Variants in CCDC148 observed in about 807,000 individuals in gnomAD.
CCDC148 encodes coiled-coil domain containing 148, also known as coiled-coil domain-containing protein 148.
Under a neutral mutation model 85.7 loss-of-function variants are expected in CCDC148, and 89 were observed. The ratio of observed to expected loss-of-function variants is 1.04; its 90% CI spans 0.87 to 1.24. The LOEUF (loss-of-function observed/expected upper bound fraction) is 1.24. CCDC148 is among the 50% of genes most tolerant of loss of function. The probability of loss-of-function intolerance (pLI) is 0.00; values close to 1 mark genes in which losing one functional copy is unlikely to be tolerated. For synonymous variants in CCDC148, 230 were observed against 213.9 expected (o/e 1.08, Z -0.66); for missense variants, 692 against 671.7 (o/e 1.03, Z -0.33).
intron 9 of CCDC148, among the ~76,000 whole-genome samples, chr2:158,285,522 A>G (rs1448355052): frequency 1.3e-5 from 2 of 151,300 alleles, no homozygotes; most frequent in African/African-American, 2.4e-5. Flanking sequence ...AACTAAAACT[A>G]TAAGGTAACT....
intron 11 of CCDC148, among the ~76,000 whole-genome samples, chr2:158,189,065 T>C (rs1161750505): frequency 2.0e-5 from 3 of 151,742 alleles, no homozygotes; most frequent in African/African-American, 7.3e-5. Flanking sequence ...TCAGAATGGC[T>C]ATAATTAAAA....
At chr2:158,450,166 A>G (rs1688347711) in intron 1 of CCDC148, among the ~76,000 whole-genome samples, 1 of 152,142 alleles carries the variant, frequency 6.6e-6, no homozygotes, top group Admixed American at 6.5e-5. Flanking sequence ...CGGCTGAAGG[A>G]TAGAGTGGGG....
At chr2:158,226,720 A>G (rs959173617) in intron 10 of CCDC148, among the ~76,000 whole-genome samples, 2 of 152,172 alleles carry the variant, frequency 1.3e-5, no homozygotes, top group South Asian at 2.1e-4. Flanking sequence ...GATTATCTCA[A>G]TAGATGCAGA....
chr2:158,441,764 A>G (rs1687942236), intron 1 of CCDC148, among the ~76,000 whole-genome samples: 1 of 152,128 alleles, frequency 6.6e-6, no homozygotes, highest in South Asian at 2.1e-4. Flanking sequence ...AGAAGAGAGG[A>G]AAAGTGAAAT....
At chr2:158,417,591 C>G (rs1054050595) in intron 1 of CCDC148, among the ~76,000 whole-genome samples, 1 of 152,190 alleles carries the variant, frequency 6.6e-6, no homozygotes, top group Non-Finnish European at 1.5e-5. Context: ...GGCCTCCAAC[C>G]AAATCCTCCT....
chr2:158,399,813 T>C (rs1438888062), intron 1 of CCDC148, among the ~76,000 whole-genome samples: 1 of 152,096 alleles, frequency 6.6e-6, no homozygotes, highest in Non-Finnish European at 1.5e-5. Flanking sequence ...GGTATTCGAT[T>C]AGGAAAAGAG....
intron 10 of CCDC148, among the ~76,000 whole-genome samples, chr2:158,226,443 T>C (rs1687530872): frequency 6.6e-6 from 1 of 152,222 alleles, no homozygotes; most frequent in South Asian, 2.1e-4. Flanking sequence ...GAATCCTCCC[T>C]AACTCATTTT....
chr2:158,428,758 C>T (rs1574804549), intron 1 of CCDC148, among the ~76,000 whole-genome samples: 2 of 151,960 alleles, frequency 1.3e-5, no homozygotes, highest in South Asian at 2.1e-4. Context: ...ACTAGAAATA[C>T]CATTTGACCC....
chr2:158,199,548 G>C (rs1172620908), intron 11 of CCDC148, among the ~76,000 whole-genome samples: 1 of 152,058 alleles, frequency 6.6e-6, no homozygotes, highest in Non-Finnish European at 1.5e-5. Context: ...TCCGGCCTTT[G>C]ATATTAATTT....
rs938822557 is a variant in CCDC148, at chr2:158,360,324, G to C, written c.26-1754C>G. On this transcript the variant is annotated intron_variant, in intron 1 of 13. Transcript: ENST00000283233. ...CAAGCATAATGTTCGAGCTCTGCTA[G>C]GGGTCAGACTGCCTCCTCAACTGGG... Among the ~76,000 whole-genome samples the C allele has an allele frequency of 5.9e-5, 9 of 152,160 alleles. 1 individual carries two copies. The highest frequency in any genetic ancestry group is 4.1e-4 in the South Asian group (2 of 4,830).
intron 1 of CCDC148, among the ~76,000 whole-genome samples, chr2:158,450,935 T>C (rs1688381602): frequency 6.6e-6 from 1 of 152,106 alleles, no homozygotes; most frequent in Non-Finnish European, 1.5e-5. Flanking sequence ...CCAGCATAAA[T>C]TGGTATACTT....
intron 1 of CCDC148, among the ~76,000 whole-genome samples, chr2:158,388,802 T>C (rs1685191675): frequency 6.6e-6 from 1 of 152,152 alleles, no homozygotes; most frequent in South Asian, 2.1e-4. Flanking sequence ...CCTCTTTCTA[T>C]GTTTAAAATG....
chr2:158,409,697 G>C (rs1686176482), intron 1 of CCDC148, among the ~76,000 whole-genome samples: 1 of 152,192 alleles, frequency 6.6e-6, no homozygotes, highest in African/African-American at 2.4e-5. Flanking sequence ...TTGGAGGACT[G>C]TTGGGAAGGC....
At position 158,439,166 on chromosome 2, in the gene CCDC148, C is replaced by A. The variant is rs549906257; in HGVS notation, c.25+17249G>T. Among the ~76,000 whole-genome samples the A allele has an allele frequency of 1.2e-3, 178 of 152,264 alleles. 1 individual carries two copies. The highest frequency in any genetic ancestry group is 4.1e-3 in the African/African-American group (170 of 41,546). Reference sequence around the variant, plus strand: ...TTCATAAATCATGCTGCTATAAAGACACATGCACGTGTATGTTTATTGTGG... The same window carrying A: ...TTCATAAATCATGCTGCTATAAAGAAACATGCACGTGTATGTTTATTGTGG... On this transcript the variant is annotated intron_variant, in intron 1 of 13. Coordinates refer to ENST00000283233, the MANE Select transcript of CCDC148 (RefSeq NM_138803.4).
chr2:158,378,882 G>A (rs138796806), intron 1 of CCDC148, among the ~76,000 whole-genome samples: 28 of 152,222 alleles, frequency 1.8e-4, no homozygotes, highest in East Asian at 5.8e-4. Context: ...AATGCACCTC[G>A]TCAGCCACGA....
intron 1 of CCDC148, among the ~76,000 whole-genome samples, chr2:158,383,149 A>T (rs546929564): frequency 2.4e-4 from 36 of 151,844 alleles, no homozygotes; most frequent in East Asian, 1.9e-4. Flanking sequence ...AAAATAAAAA[A>T]AAATAAAATA....
At chr2:158,448,972 T>C (rs1286184876) in intron 1 of CCDC148, among the ~76,000 whole-genome samples, 1 of 151,952 alleles carries the variant, frequency 6.6e-6, no homozygotes, top group Non-Finnish European at 1.5e-5. Context: ...GGATTGCAGG[T>C]GCCCGCCACC....
At chr2:158,418,190 C>T (rs148560216) in intron 1 of CCDC148, among the ~76,000 whole-genome samples, 1 of 151,914 alleles carries the variant, frequency 6.6e-6, no homozygotes, top group African/African-American at 2.4e-5. Context: ...GCTGATTAAC[C>T]TCCTACAAAT....
At chr2:158,173,566 CT>C (rs1275291083) in intron 13 of CCDC148, among the ~76,000 whole-genome samples, 6 of 151,970 alleles carry the variant, frequency 3.9e-5, no homozygotes, top group Non-Finnish European at 8.8e-5. Flanking sequence ...TAATAAATGT[CT>C]GAACTTGGCT....
Sources: allele counts gnomAD v4.1 joint callset (sites outside exome capture counted in the v4.1 genomes callset), GRCh38; gene constraint gnomAD v4.1.1; transcripts MANE v1.5; gene names NCBI Gene and HGNC (gene_info 2026-07-23, HGNC 2026-07-21).